Variants in ZNF682 observed in about 807,000 individuals in gnomAD.
The protein encoded by ZNF682 is zinc finger protein 682.
A neutral mutation model predicts 36.5 loss-of-function variants in ZNF682; 29 were observed. The ratio of observed to expected loss-of-function variants is 0.80; its 90% CI spans 0.59 to 1.08. ZNF682 has a LOEUF of 1.08. Among genes scored for constraint, ZNF682 ranks in the 50% least tolerant of loss-of-function variants. ZNF682 has a pLI of 0.00. For synonymous variants in ZNF682, 180 were observed against 197.0 expected (o/e 0.91, Z 0.72); for missense variants, 561 against 579.7 (o/e 0.97, Z 0.33).
intron 3 of ZNF682, chr19:20,015,742 G>T: frequency 2.5e-6 from 1 of 397,172 alleles, no homozygotes; most frequent in South Asian, 1.3e-4. Flanking sequence ...AAAAAGCTTT[G>T]AGAAAATAAT....
chr19:20,035,471 A>G (rs7250923), intron 1 of ZNF682, among the ~76,000 whole-genome samples: 125,856 of 151,932 alleles, frequency 0.83, 52,424 homozygotes, highest in Middle Eastern at 0.91. Flanking sequence ...TGATCCACCC[A>G]CCTCAGCCTC....
chr19:20,025,671 C>T (rs542532253), intron 1 of ZNF682, among the ~76,000 whole-genome samples: 2 of 145,332 alleles, frequency 1.4e-5, no homozygotes, highest in African/African-American at 5.1e-5. Context: ...TGCGAGACTC[C>T]ATCTCAAAAA....
chr19:20,026,021 G>C (rs1197278951), intron 1 of ZNF682, among the ~76,000 whole-genome samples: 1 of 152,084 alleles, frequency 6.6e-6, no homozygotes, highest in Admixed American at 6.5e-5. Context: ...TCCTGTTTCT[G>C]GCCAGGTGCT....
rs139729990 is a variant in ZNF682 at position 20,017,559 on chromosome 19, TA to T, written c.226+5444del. ...ATAACACATAGCACTCTCAAATATA[TA>T]AAACAAATATTGACAGAAGGTAAGC... is the stretch of plus-strand genomic sequence containing the variant. On this transcript the variant is annotated intron_variant, in intron 3 of 3. Transcript: ENST00000397165. Among the ~76,000 whole-genome samples, 765 of 152,064 alleles carry T rather than the reference TA, an allele frequency of 5.0e-3. 6 individuals carry two copies. Among genetic ancestry groups the T allele is most frequent in the African/African-American group, 0.017 (724 of 41,448 alleles).
In ZNF682 at chr19:20,006,688, A is replaced by G; in HGVS notation, c.814T>C (p.Phe272Leu). The G allele has an allele frequency of 6.2e-7, 1 of 1,613,272 alleles. No homozygotes were observed. The highest frequency in any genetic ancestry group is 8.5e-7 in the Non-Finnish European group (1 of 1,179,788). ...GTATGAATTTTCTTATGTCTAACAA[A>G]GGGTGAACACCAGTGAAAGGCTTTT... ...CGKAFHWCSP[F>L]VRHKKIHTGE... Residue 272 changes from phenylalanine (F) to leucine (L), a missense_variant, in exon 4 of 4, where the codon TTT becomes CTT. Coordinates refer to ENST00000397165, the MANE Select transcript of ZNF682 (RefSeq NM_033196.3).
At chr19:20,001,708 C>G (rs1599599304), downstream of ZNF682, among the ~76,000 whole-genome samples, 1 of 152,194 alleles carries the variant, frequency 6.6e-6, no homozygotes, top group Non-Finnish European at 1.5e-5. Flanking sequence ...ATGACTTCTC[C>G]AAGCCTCTCT....
At chr19:20,007,955 T>G (rs1395556988) in intron 3 of ZNF682, 1 of 152,386 alleles carries the variant, frequency 6.6e-6, no homozygotes, top group African/African-American at 2.4e-5. Context: ...CATGCACCAC[T>G]TTGCCTGCTG....
intron 3 of ZNF682, among the ~76,000 whole-genome samples, chr19:20,010,347 T>G (rs1426951681): frequency 2.6e-5 from 4 of 152,174 alleles, no homozygotes; most frequent in Admixed American, 2.6e-4. Context: ...CACAGCAGTC[T>G]AAATGCTCCA....
chr19:20,014,359 A>AGCACACCCAT (rs1323817143), intron 3 of ZNF682, among the ~76,000 whole-genome samples: 1 of 152,194 alleles, frequency 6.6e-6, no homozygotes, highest in East Asian at 1.9e-4. Context: ...CACCCATATT[A>AGCACACCCAT]ATTGTAGCAT....
intron 3 of ZNF682, among the ~76,000 whole-genome samples, chr19:20,014,694 C>T (rs10423300): frequency 6.7e-6 from 1 of 150,318 alleles, no homozygotes; most frequent in Non-Finnish European, 1.5e-5. Context: ...GCAGGGGAAT[C>T]GCTTGAACCT....
downstream of ZNF682, among the ~76,000 whole-genome samples, chr19:20,001,197 T>C (rs1481953871): frequency 6.6e-6 from 1 of 152,192 alleles, no homozygotes; most frequent in East Asian, 1.9e-4. Context: ...CCATGAGCAT[T>C]TTTGCATGTT....
At position 20,016,477 on chromosome 19, in the gene ZNF682, T is replaced by G. The variant is rs917634723; in HGVS notation, c.226+6527A>C. 2.6e-5 allele frequency among the ~76,000 whole-genome samples: 4 copies of G among 152,078 alleles called. No individual in the cohort carries two copies. The South Asian group carries it at 6.2e-4, about 24-fold the overall frequency. ...GAAAATAGTGCATGAGGAAATGATA[T>G]ATCAACAGAGATTTAAAAAACTATT... On this transcript the variant is annotated intron_variant, in intron 3 of 3. Coordinates refer to ENST00000397165, the MANE Select transcript of ZNF682 (RefSeq NM_033196.3).
rs747006873 is a variant in ZNF682 at position 20,039,323 on chromosome 19, G to C, written c.3+20C>G. On this transcript the variant is annotated intron_variant, in intron 1 of 3. Coordinates refer to ENST00000397165, the MANE Select transcript of ZNF682 (RefSeq NM_033196.3). ...ACCAGCCCTGCCCCCACCTCGGGAT[G>C]CGCGGCCTGGCACACTCACCATTTT... 1 of 1,612,078 alleles carries C rather than the reference G, an allele frequency of 6.2e-7. No individual in the cohort carries two copies. The highest frequency in any genetic ancestry group is 1.1e-5 in the South Asian group (1 of 91,072).
At position 20,039,486 on chromosome 19, in the gene ZNF682, G is replaced by T; in HGVS notation, c.-141C>A. 8.4e-7 allele frequency: 1 copy of T among 1,192,952 alleles called. No homozygotes were observed. Among genetic ancestry groups the T allele is most frequent in the South Asian group, 1.6e-5 (1 of 64,274 alleles). The allele number at this position is 1,192,952 out of a possible 1,614,324, so 73.9% of individuals were successfully genotyped here. On this transcript the variant is annotated 5_prime_UTR_variant, in exon 1 of 4. Transcript: ENST00000397165. The stretch of plus-strand genomic sequence containing the variant: ...GCAATGAAGATGGACCCTGAGCTCT[G>T]GCTGGAGCGAGACAAAGGCCCCGCC...
At chr19:20,018,239 G>A (rs1599609252) in intron 3 of ZNF682, among the ~76,000 whole-genome samples, 4 of 149,616 alleles carry the variant, frequency 2.7e-5, no homozygotes, top group East Asian at 2.0e-4. Context: ...GACTACAGGC[G>A]CCCGCCACTA....
At chr19:19,997,041 G>A, downstream of ZNF682, 1 of 389,954 alleles carries the variant, frequency 2.6e-6, no homozygotes, top group Non-Finnish European at 4.5e-6. Flanking sequence ...TAGAGAAGAG[G>A]CAGACAGAAA....
chr19:20,023,776 G>T (rs1446008000), intron 2 of ZNF682, among the ~76,000 whole-genome samples: 1 of 151,900 alleles, frequency 6.6e-6, no homozygotes, highest in Non-Finnish European at 1.5e-5. Context: ...GAGGTCAGGA[G>T]TTCGAGACCA....
At chr19:20,020,397 T>A (rs2088373381) in intron 3 of ZNF682, among the ~76,000 whole-genome samples, 1 of 152,090 alleles carries the variant, frequency 6.6e-6, no homozygotes, top group South Asian at 2.1e-4. Flanking sequence ...CTCAGGAAGC[T>A]GAGGCAGCAG....
chr19:20,020,037 C>A (rs1162171193), intron 3 of ZNF682, among the ~76,000 whole-genome samples: 1 of 109,230 alleles, frequency 9.2e-6, no homozygotes, highest in Non-Finnish European at 1.8e-5. Context: ...CACAGTGAGA[C>A]CCCTTCTCTT....
Sources: gnomAD v4.1 joint callset for allele counts (sites outside exome capture counted in the v4.1 genomes callset) on GRCh38, gnomAD v4.1.1 for gene constraint, MANE v1.5 for transcripts, NCBI Gene and HGNC (gene_info 2026-07-23, HGNC 2026-07-21) for gene names.